Variants in INSYN2A observed in about 807,000 individuals in gnomAD.
INSYN2A encodes the protein inhibitory synaptic factor 2A.
In INSYN2A, 17 loss-of-function variants were observed where a neutral mutation model predicts 39.4. The ratio of observed to expected loss-of-function variants is 0.43; its 90% CI spans 0.30 to 0.65. The LOEUF is 0.65. Ranked by LOEUF, INSYN2A falls within the 30% of genes least tolerant of loss-of-function variation. The pLI is 0.14. For synonymous variants in INSYN2A, 255 were observed against 265.7 expected (o/e 0.96, Z 0.39); for missense variants, 595 against 631.2 (o/e 0.94, Z 0.61).
At chr10:127,186,995 C>G (rs1355742244) in intron 2 of INSYN2A, among the ~76,000 whole-genome samples, 1 of 152,160 alleles carries the variant, frequency 6.6e-6, no homozygotes, top group African/African-American at 2.4e-5. Context: ...TGACTCCCAG[C>G]GTTTTGGTTG....
chr10:127,147,690 C>T (rs903005979), intron 5 of INSYN2A, among the ~76,000 whole-genome samples: 1 of 152,020 alleles, frequency 6.6e-6, no homozygotes, highest in Non-Finnish European at 1.5e-5. Context: ...CTTTAGGACC[C>T]CAAATGGAAA....
intron 4 of INSYN2A, among the ~76,000 whole-genome samples, chr10:127,170,894 T>A (rs1243610264): frequency 6.6e-6 from 1 of 152,206 alleles, no homozygotes; most frequent in Non-Finnish European, 1.5e-5. Flanking sequence ...CCGCACTGCA[T>A]AAAGCAGAGT....
intron 2 of INSYN2A, among the ~76,000 whole-genome samples, chr10:127,191,755 G>A (rs2056772156): frequency 6.6e-6 from 1 of 152,176 alleles, no homozygotes; most frequent in South Asian, 2.1e-4. Flanking sequence ...CAACTGAACA[G>A]CTGTAAAAAG....
Position 127,154,742 on chromosome 10 carries a change from G to A in INSYN2A, c.1185-819C>T, listed in dbSNP as rs191403288. Among the ~76,000 whole-genome samples, 736 of 152,226 alleles carry A rather than the reference G, an allele frequency of 4.8e-3. 5 individuals are homozygous for A. The highest frequency in any genetic ancestry group is 8.4e-3 in the Non-Finnish European group (569 of 68,018). ...GGCAGATTTTGGCCTTTGTAGGGGA[G>A]GTTGCTAATTCTCCCCCCTAATTAA... On this transcript the variant is annotated intron_variant, in intron 4 of 5. Coordinates refer to ENST00000522781, the MANE Select transcript of INSYN2A (RefSeq NM_001039762.3).
chr10:127,194,824 T>G (rs978733862), intron 1 of INSYN2A, among the ~76,000 whole-genome samples: 1 of 152,156 alleles, frequency 6.6e-6, no homozygotes, highest in Non-Finnish European at 1.5e-5. Flanking sequence ...TCCCCCAAAG[T>G]TCATTCCCAC....
At chr10:127,186,281 C>T (rs146525294) in intron 2 of INSYN2A, among the ~76,000 whole-genome samples, 1,570 of 152,232 alleles carry the variant, frequency 0.01, 19 homozygotes, top group Non-Finnish European at 0.016. Context: ...CTGGGGAGGC[C>T]TCAAGAAACT....
At chr10:127,182,499 A>T (rs568274506) in intron 2 of INSYN2A, among the ~76,000 whole-genome samples, 1 of 152,190 alleles carries the variant, frequency 6.6e-6, no homozygotes, top group South Asian at 2.1e-4. Flanking sequence ...ATGTTTCACT[A>T]CCCAGTTCTT....
chr10:127,171,670 G>GC (rs1173260942), intron 4 of INSYN2A, among the ~76,000 whole-genome samples: 4 of 152,062 alleles, frequency 2.6e-5, no homozygotes, highest in African/African-American at 9.7e-5. Flanking sequence ...TGATTTGTAG[G>GC]CTTTAGAATA....
At chr10:127,194,650 G>C (rs994620144) in intron 1 of INSYN2A, among the ~76,000 whole-genome samples, 1 of 152,152 alleles carries the variant, frequency 6.6e-6, no homozygotes, top group Non-Finnish European at 1.5e-5. Flanking sequence ...CCCAGCCAGC[G>C]CAGTCACTCT....
intron 2 of INSYN2A, among the ~76,000 whole-genome samples, chr10:127,180,247 G>A (rs1462395386): frequency 6.6e-6 from 1 of 152,196 alleles, no homozygotes; most frequent in East Asian, 1.9e-4. Flanking sequence ...AGTGGGTGTT[G>A]GAGCACTGAG....
At chr10:127,188,273 A>C (rs2056459325) in intron 2 of INSYN2A, among the ~76,000 whole-genome samples, 1 of 152,228 alleles carries the variant, frequency 6.6e-6, no homozygotes, top group African/African-American at 2.4e-5. Context: ...AGTTATTGTC[A>C]TGGATGAAAA....
Position 127,176,197 on chromosome 10 carries a change from C to T in INSYN2A, c.199G>A (p.Gly67Ser), listed in dbSNP as rs2055124242. ...GCCTCCCGCTTCTCCCCCAGCTGGC[C>T]CGAGGACAGCTGTGTGTCCCTCTGC... ...NEQRDTQLSS[G>S]QLGEKREAKP... is the part of the protein sequence containing the mutation. Residue 67 changes from glycine to serine, a missense_variant, in exon 4 of 6, where the codon GGC (glycine) becomes AGC (serine). Gly to Ser is a moderately conservative substitution (Grantham distance 56). Around this residue, in one of 2 missense-constraint regions of INSYN2A, gnomAD observed 478 missense variants for 467.4 expected, o/e 1.02. Coordinates refer to ENST00000522781, the MANE Select transcript of INSYN2A (RefSeq NM_001039762.3). This position sits in a 1 kb window ranked among gnomAD's most constrained non-coding sequence, Gnocchi z 4.4. 6.2e-7 allele frequency: 1 copy of T among 1,613,992 alleles called. No individual in the cohort carries two copies. The highest frequency in any genetic ancestry group is 1.3e-5 in the African/African-American group (1 of 74,900).
chr10:127,183,582 C>T (rs866377929), intron 2 of INSYN2A, among the ~76,000 whole-genome samples: 11 of 152,112 alleles, frequency 7.2e-5, no homozygotes, highest in African/African-American at 2.7e-4. Context: ...CAATCCTAAC[C>T]GAAGTCTGCA....
At chr10:127,165,364 A>T (rs1437135591) in intron 4 of INSYN2A, among the ~76,000 whole-genome samples, 1 of 152,188 alleles carries the variant, frequency 6.6e-6, no homozygotes, top group Non-Finnish European at 1.5e-5. Context: ...GTTGCCAAAG[A>T]CTAAAATCTT....
intron 5 of INSYN2A, among the ~76,000 whole-genome samples, chr10:127,139,876 A>T (rs971481393): frequency 3.9e-5 from 6 of 152,206 alleles, no homozygotes; most frequent in African/African-American, 1.4e-4. Context: ...TTATTGTACC[A>T]TTATTATCTA....
At position 127,175,931 on chromosome 10, in the gene INSYN2A, G is replaced by A. The variant is rs1354367922; in HGVS notation, c.465C>T (p.Pro155=). The A allele has an allele frequency of 2.5e-6, 4 of 1,614,090 alleles. No individual in the cohort carries two copies. In the African/African-American group the frequency reaches 4.0e-5, roughly 16 times the overall value. The part of the protein sequence containing the change: ...TDAKEKNEAG[P]MEEARPCGAG... ...CGCCACATGGCCGGGCCTCCTCCATGGGTCCAGCCTCGTTCTTCTCTTTCG... is the reference window on the plus strand; with the variant it reads ...CGCCACATGGCCGGGCCTCCTCCATAGGTCCAGCCTCGTTCTTCTCTTTCG... The change falls in exon 4 of 6, where the codon CCC becomes CCT. Residue 155 remains proline (P), a synonymous_variant. Coordinates refer to ENST00000522781, the MANE Select transcript of INSYN2A (RefSeq NM_001039762.3). This position sits in a 1 kb window ranked among gnomAD's most constrained non-coding sequence, Gnocchi z 6.3.
At chr10:127,189,965 C>T (rs1479948881) in intron 2 of INSYN2A, among the ~76,000 whole-genome samples, 2 of 152,178 alleles carry the variant, frequency 1.3e-5, no homozygotes, top group Admixed American at 1.3e-4. Flanking sequence ...CAGACATCTC[C>T]TTCTCTCATG....
At chr10:127,152,495 A>G (rs2052602287) in intron 5 of INSYN2A, among the ~76,000 whole-genome samples, 1 of 152,168 alleles carries the variant, frequency 6.6e-6, no homozygotes. Flanking sequence ...TGCTGCCAGG[A>G]GGCCTTACCA....
rs754378814 is a variant in INSYN2A, at chr10:127,175,631, G to T, written c.765C>A (p.Thr255=). The T allele has an allele frequency of 3.7e-6, 6 of 1,613,182 alleles. No individual in the cohort carries two copies. ...TGGCACTGAGGGCAGGTGCGTAAAC[G>T]GTGGCAACCTCCGTTTTAAACACCC... is the stretch of plus-strand genomic sequence containing the variant. ...LRRVFKTEVA[T]VYAPALSARA... Residue 255 remains threonine, a synonymous_variant, in exon 4 of 6, where the codon ACC becomes ACA. Coordinates refer to ENST00000522781, the MANE Select transcript of INSYN2A (RefSeq NM_001039762.3). This position sits in a 1 kb window ranked among gnomAD's most constrained non-coding sequence, Gnocchi z 6.3.
Sources: gnomAD v4.1 joint callset for allele counts (sites outside exome capture counted in the v4.1 genomes callset) on GRCh38, gnomAD v4.1.1 for gene constraint, gnomAD v4.1.1 regional missense constraint, Gnocchi (gnomAD v3.1) non-coding constraint, MANE v1.5 for transcripts, NCBI Gene and HGNC (gene_info 2026-07-23, HGNC 2026-07-21) for gene names.